The following MEMO1 variants were observed in gnomAD, a reference collection of about 807,000 sequenced individuals.
The protein encoded by MEMO1 is mediator of cell motility 1.
In MEMO1, 6 loss-of-function variants were observed where a neutral mutation model predicts 45.2. The ratio of observed to expected loss-of-function variants is 0.13; its 90% CI spans 0.07 to 0.26. MEMO1 has a LOEUF of 0.26. Ranked by LOEUF, MEMO1 falls within the 10% of genes least tolerant of loss-of-function variation. The pLI, the probability that MEMO1 is intolerant of heterozygous loss-of-function variation, is 1.00. For synonymous variants in MEMO1, 78 were observed against 124.3 expected (o/e 0.63, Z 2.48); for missense variants, 184 against 370.5 (o/e 0.50, Z 4.13).
At chr2:31,918,203 A>G (rs983346824) in intron 5 of MEMO1, among the ~76,000 whole-genome samples, 166 bp from the exon 6 acceptor site, 1 of 152,180 alleles carries the variant, frequency 6.6e-6, no homozygotes, top group Non-Finnish European at 1.5e-5. Context: ...AAAGAAAGGA[A>G]AGGAAGGAGG....
rs765463825 is a variant in MEMO1 at position 31,883,470 on chromosome 2, C to G, written c.581-8G>C. ...TGTAACGGAACCTTTGACCTTGAAA[C>G]AAATATCATGTACAAAATAAAATAG... is the stretch of plus-strand genomic sequence containing the variant. On this transcript the variant is annotated splice_region_variant and splice_polypyrimidine_tract_variant and intron_variant, in intron 7 of 9. Transcript: ENST00000404530. 3.2e-6 allele frequency: 5 copies of G among 1,566,304 alleles called. No individual in the cohort carries two copies. The highest frequency in any genetic ancestry group is 2.6e-6 in the Non-Finnish European group (3 of 1,154,996).
chr2:31,906,931 A>T (rs1477635345), intron 6 of MEMO1, among the ~76,000 whole-genome samples: 2 of 152,242 alleles, frequency 1.3e-5, no homozygotes, highest in African/African-American at 2.4e-5. Flanking sequence ...GTATAAAAAA[A>T]TTTTTTTCTA....
chr2:31,892,133 G>T lies in MEMO1; in HGVS notation c.439C>A (p.His147Asn). The T allele has an allele frequency of 1.3e-6, 2 of 1,569,640 alleles. No homozygotes were observed. Among genetic ancestry groups the T allele is most frequent in the Non-Finnish European group, 1.7e-6 (2 of 1,164,312 alleles). The change falls in exon 7 of 10, where the codon CAT (histidine) becomes AAT (asparagine). Residue 147 changes from histidine (H) to asparagine (N), a missense_variant and splice_region_variant. His to Asn is a moderately conservative substitution (Grantham distance 68). Transcript: ENST00000404530. The stretch of plus-strand genomic sequence containing the variant: ...GGAATAATGGTAAACTCATCCTTAT[G>T]GCTTAAAGAAAACAGAAAAAAAAAA... ...LPYTAKAMES[H>N]KDEFTIIPVL... is the part of the protein sequence containing the mutation.
intron 2 of MEMO1, among the ~76,000 whole-genome samples, chr2:31,978,573 C>T (rs868473105): frequency 2.1e-4 from 32 of 152,260 alleles, no homozygotes; most frequent in African/African-American, 7.5e-4. Context: ...GCTAGGACTA[C>T]AGGCACACGC....
intron 2 of MEMO1, among the ~76,000 whole-genome samples, chr2:31,976,164 C>G (rs892531780): frequency 1.3e-5 from 2 of 152,134 alleles, no homozygotes; most frequent in African/African-American, 4.8e-5. Context: ...CAAATTCTCA[C>G]AGTTTAAAAT....
chr2:32,007,510 T>C (rs1267330957), intron 2 of MEMO1, among the ~76,000 whole-genome samples: 3 of 152,214 alleles, frequency 2.0e-5, no homozygotes, highest in East Asian at 1.9e-4. Context: ...AGAAGATATA[T>C]GTGTGTGTAT....
At chr2:31,995,320 T>C (rs1672455712) in intron 2 of MEMO1, among the ~76,000 whole-genome samples, 2 of 151,920 alleles carry the variant, frequency 1.3e-5, no homozygotes, top group South Asian at 4.2e-4. Context: ...GGTGAGGTGG[T>C]GGGCACCTGT....
At chr2:31,914,539 ATCCCAT>A (rs1336247278) in intron 6 of MEMO1, among the ~76,000 whole-genome samples, 1 of 152,212 alleles carries the variant, frequency 6.6e-6, no homozygotes, top group Non-Finnish European at 1.5e-5. Context: ...AGTGATTAAT[ATCCCAT>A]TCTCCATGAT....
chr2:31,939,013 G>C (rs1665289456), intron 3 of MEMO1, among the ~76,000 whole-genome samples: 1 of 151,090 alleles, frequency 6.6e-6, no homozygotes, highest in Admixed American at 6.6e-5. Flanking sequence ...TCAAACTCCT[G>C]AGCTCAAGCA....
At chr2:31,914,317 G>A (rs1455436539) in intron 6 of MEMO1, among the ~76,000 whole-genome samples, 2 of 152,174 alleles carry the variant, frequency 1.3e-5, no homozygotes, top group South Asian at 2.1e-4. Flanking sequence ...ATTCACAGAC[G>A]TGGAGAGTAG....
At chr2:31,920,702 T>C (rs1682196761) in intron 5 of MEMO1, 96 bp downstream of exon 5, 1 of 595,036 alleles carries the variant, frequency 1.7e-6, no homozygotes, top group Admixed American at 3.6e-5. Flanking sequence ...AATATTGAGA[T>C]ATTACTTATG....
intron 2 of MEMO1, among the ~76,000 whole-genome samples, chr2:31,980,999 C>A (rs1004979554): frequency 2.0e-5 from 3 of 152,238 alleles, no homozygotes; most frequent in African/African-American, 7.2e-5. Context: ...GTGTCCAACT[C>A]TTTCCCATCT....
At chr2:31,878,972 C>G (rs2147918416) in intron 8 of MEMO1, among the ~76,000 whole-genome samples, 1 of 152,300 alleles carries the variant, frequency 6.6e-6, no homozygotes, top group Middle Eastern at 3.4e-3. Flanking sequence ...AGTCAAATCT[C>G]TCCAATACCT....
At chr2:31,925,813 A>G (rs1177805737) in intron 4 of MEMO1, among the ~76,000 whole-genome samples, 1 of 152,180 alleles carries the variant, frequency 6.6e-6, no homozygotes, top group Non-Finnish European at 1.5e-5. Context: ...CTAAGTTTAA[A>G]AGGGAGTTCC....
intron 2 of MEMO1, among the ~76,000 whole-genome samples, chr2:31,952,346 G>A (rs1666934999): frequency 6.6e-6 from 1 of 152,178 alleles, no homozygotes; most frequent in Non-Finnish European, 1.5e-5. Flanking sequence ...AATCTTTAGT[G>A]TGTACCAACC....
intron 2 of MEMO1, among the ~76,000 whole-genome samples, chr2:31,949,275 A>G (rs1470565008): frequency 6.6e-6 from 1 of 152,204 alleles, no homozygotes; most frequent in Non-Finnish European, 1.5e-5. Context: ...TACCCAAAAG[A>G]AAGGAAATCA....
At chr2:31,974,869 T>C (rs972752364) in intron 2 of MEMO1, among the ~76,000 whole-genome samples, 1 of 151,930 alleles carries the variant, frequency 6.6e-6, no homozygotes, top group Admixed American at 6.6e-5. Context: ...AGGAATACCA[T>C]GAAAATTTAA....
intron 2 of MEMO1, among the ~76,000 whole-genome samples, chr2:31,953,091 C>A (rs373977744): frequency 6.6e-6 from 1 of 151,922 alleles, no homozygotes; most frequent in East Asian, 1.9e-4. Flanking sequence ...TATTTCTGGC[C>A]GGCACGGTGT....
At chr2:31,924,423 C>T (rs1326751649) in intron 4 of MEMO1, among the ~76,000 whole-genome samples, 2 of 149,174 alleles carry the variant, frequency 1.3e-5, no homozygotes, top group Non-Finnish European at 3.0e-5. Context: ...TCAATATTAG[C>T]ACATCATCGG....
Sources: gnomAD v4.1 joint callset for allele counts (sites outside exome capture counted in the v4.1 genomes callset) on GRCh38, gnomAD v4.1.1 for gene constraint, MANE v1.5 for transcripts, NCBI Gene and HGNC (gene_info 2026-07-23, HGNC 2026-07-21) for gene names.